The following RORA variants were observed in gnomAD, a reference collection of about 807,000 sequenced individuals.
RORA encodes the protein RAR related orphan receptor A, also known as nuclear receptor ROR-alpha.
Under a neutral mutation model 69.5 loss-of-function variants are expected in RORA, and 7 were observed. The observed-to-expected ratio is 0.10, with a 90% CI of 0.06 to 0.19. The LOEUF (loss-of-function observed/expected upper bound fraction) is 0.19, where lower values mean the gene tolerates loss of function less well. Among genes scored for constraint, RORA ranks in the 10% least tolerant of loss-of-function variants. RORA has a pLI of 1.00. For missense variants in RORA, 457 were observed against 663.0 expected (o/e 0.69, Z 3.41); for synonymous variants, 261 against 240.8 (o/e 1.08, Z -0.78).
intron 1 of RORA, among the ~76,000 whole-genome samples, chr15:60,941,403 T>C (rs1892692645): frequency 6.6e-6 from 1 of 152,232 alleles, no homozygotes; most frequent in Non-Finnish European, 1.5e-5. Context: ...CGCGATTCCA[T>C]TTAGCTATTA....
At position 60,523,367 on chromosome 15, in the gene RORA, C is replaced by G. The variant is rs545159221; in HGVS notation, c.282+8399G>C. ...AGGAGTTCAGCAAAAATCATGAGAGCATTCAGTGAGAATCATTTGTCTATA... is the reference window on the plus strand; with the variant it reads ...AGGAGTTCAGCAAAAATCATGAGAGGATTCAGTGAGAATCATTTGTCTATA... On this transcript the variant is annotated intron_variant, in intron 3 of 10. Transcript: ENST00000335670. 6.6e-5 allele frequency among the ~76,000 whole-genome samples: 10 copies of G among 152,242 alleles called. No homozygotes were observed. The East Asian group carries it at 1.9e-3, about 29-fold the overall frequency.
In RORA at chr15:60,550,363, GT is replaced by G. The variant is rs559142383; in HGVS notation, c.197-18513del. Among the ~76,000 whole-genome samples the G allele has an allele frequency of 2.3e-3, 349 of 152,282 alleles. 2 individuals carry two copies. In the Middle Eastern group the frequency reaches 0.024, roughly 10 times the overall value. Reference sequence around the variant, plus strand: ...TTGAAATTTAGATGGAAATTTTAAAGTTTTAAGTTGTTCATATTCTACCCCA... The same window carrying G: ...TTGAAATTTAGATGGAAATTTTAAAGTTTAAGTTGTTCATATTCTACCCCA... On this transcript the variant is annotated intron_variant, in intron 2 of 10. Transcript: ENST00000335670.
chr15:61,135,501 T>C lies in RORA; in HGVS notation c.166+93552A>G, dbSNP rs566612105. 9.3e-4 allele frequency among the ~76,000 whole-genome samples: 140 copies of C among 150,066 alleles called. 1 individual carries two copies. Among genetic ancestry groups the C allele is most frequent in the Admixed American group, 1.2e-3 (18 of 14,998 alleles). On this transcript the variant is annotated intron_variant, in intron 1 of 10. Transcript: ENST00000335670. ...TTTGTTTCCCAAAGTGTTAGAATAA[T>C]ATCTAAGTGTGATAGTTTTTCTCAC...
At chr15:61,009,410 C>T (rs1566942162) in intron 1 of RORA, among the ~76,000 whole-genome samples, 2 of 152,178 alleles carry the variant, frequency 1.3e-5, no homozygotes, top group African/African-American at 4.8e-5. Context: ...GCTTAAACAA[C>T]TGTGTTTAGC....
chr15:61,015,165 T>C (rs1469922374), intron 1 of RORA, among the ~76,000 whole-genome samples: 1 of 152,196 alleles, frequency 6.6e-6, no homozygotes, highest in African/African-American at 2.4e-5. Context: ...AGAATGAACT[T>C]GCCATGCACA....
At chr15:60,819,765 A>ACACACACACACGCGCG (rs1196179318) in intron 1 of RORA, among the ~76,000 whole-genome samples, 3 of 124,342 alleles carry the variant, frequency 2.4e-5, no homozygotes, top group South Asian at 2.4e-4. Flanking sequence ...ACACACACAC[A>ACACACACACACGCGCG]CACACACACA....
At chr15:60,824,661 G>T (rs1362820770) in intron 1 of RORA, among the ~76,000 whole-genome samples, 2 of 152,072 alleles carry the variant, frequency 1.3e-5, no homozygotes, top group Non-Finnish European at 1.5e-5. Context: ...CTATAAAATG[G>T]GGCTAATAAT....
chr15:60,503,255 G>A (rs1231047060), intron 7 of RORA, among the ~76,000 whole-genome samples: 2 of 152,142 alleles, frequency 1.3e-5, no homozygotes, highest in African/African-American at 4.8e-5. Flanking sequence ...AAACTCGGAG[G>A]ACTTGGAGTG....
chr15:60,547,676 C>CT (rs2067115160), intron 2 of RORA: 1 of 146,074 alleles, frequency 6.8e-6, no homozygotes, highest in Non-Finnish European at 1.5e-5. Flanking sequence ...CTTCACTTAC[C>CT]TTTTTCAGCA....
intron 2 of RORA, among the ~76,000 whole-genome samples, chr15:60,671,129 G>GT (rs1050912101): frequency 2.8e-5 from 4 of 140,662 alleles, no homozygotes; most frequent in African/African-American, 1.2e-4. Flanking sequence ...AGCTTCCAGG[G>GT]TTTTTTTGGG....
intron 1 of RORA, among the ~76,000 whole-genome samples, chr15:61,149,176 C>T (rs1175605367): frequency 2.0e-5 from 3 of 152,226 alleles, no homozygotes; most frequent in Non-Finnish European, 2.9e-5. Context: ...GCCTCCTCGC[C>T]AGCTTCCACC....
At chr15:60,991,107 C>T (rs957093222) in intron 1 of RORA, among the ~76,000 whole-genome samples, 1 of 152,084 alleles carries the variant, frequency 6.6e-6, no homozygotes, top group African/African-American at 2.4e-5. Flanking sequence ...AATGGAAAAC[C>T]CAGTCCCTGT....
At chr15:61,018,167 C>T (rs867758224) in intron 1 of RORA, among the ~76,000 whole-genome samples, 5 of 152,164 alleles carry the variant, frequency 3.3e-5, no homozygotes, top group African/African-American at 1.2e-4. Context: ...TAAAATGGAA[C>T]ATCTTCGTAA....
At chr15:60,822,276 G>A (rs2072903109) in intron 1 of RORA, among the ~76,000 whole-genome samples, 1 of 152,154 alleles carries the variant, frequency 6.6e-6, no homozygotes, top group African/African-American at 2.4e-5. Context: ...AGCCCAAGGA[G>A]TGCTATGACT....
chr15:60,535,341 T>G (rs2066642812), intron 2 of RORA, among the ~76,000 whole-genome samples: 1 of 152,204 alleles, frequency 6.6e-6, no homozygotes, highest in African/African-American at 2.4e-5. Context: ...TATGAAAAAT[T>G]CTAATTTGCC....
intron 1 of RORA, among the ~76,000 whole-genome samples, chr15:61,108,674 A>C (rs1006994844): frequency 6.6e-6 from 1 of 152,218 alleles, no homozygotes; most frequent in African/African-American, 2.4e-5. Flanking sequence ...TACTACTCTA[A>C]GGTTTGAGGA....
At chr15:60,987,395 G>A (rs1344654231) in intron 1 of RORA, among the ~76,000 whole-genome samples, 1 of 152,052 alleles carries the variant, frequency 6.6e-6, no homozygotes, top group Non-Finnish European at 1.5e-5. Flanking sequence ...CTGCATGATG[G>A]GAAAACCATG....
At chr15:60,986,023 T>C (rs12101478) in intron 1 of RORA, among the ~76,000 whole-genome samples, 33,621 of 152,182 alleles carry the variant, frequency 0.22, 3,946 homozygotes, top group African/African-American at 0.28. Flanking sequence ...GAAAAGTCCC[T>C]GGGCCCTAAG....
intron 1 of RORA, among the ~76,000 whole-genome samples, chr15:61,032,933 G>T (rs1255856869): frequency 3.3e-5 from 5 of 152,104 alleles, no homozygotes; most frequent in African/African-American, 1.2e-4. Context: ...TTTATTGACT[G>T]CCTACTATGT....
Sources: gnomAD v4.1 joint callset for allele counts (sites outside exome capture counted in the v4.1 genomes callset) on GRCh38, gnomAD v4.1.1 for gene constraint, MANE v1.5 for transcripts, NCBI Gene and HGNC (gene_info 2026-07-23, HGNC 2026-07-21) for gene names.